Variants in ZNF532 observed in about 807,000 individuals in gnomAD.
ZNF532 encodes the protein zinc finger protein 532.
In ZNF532, 22 loss-of-function variants were observed where a neutral mutation model predicts 89.3. That is an observed-to-expected ratio of 0.25 (90% CI 0.18 to 0.35). The LOEUF (loss-of-function observed/expected upper bound fraction) is 0.35, where lower values mean the gene tolerates loss of function less well. Among genes scored for constraint, ZNF532 ranks in the 10% least tolerant of loss-of-function variants. ZNF532 has a pLI of 1.00. For missense variants in ZNF532, 1,132 were observed against 1,643.4 expected (o/e 0.69, Z 5.38); for synonymous variants, 606 against 649.6 (o/e 0.93, Z 1.02).
chr18:58,888,891 T>TATATATA (rs1272147896), intron 2 of ZNF532, among the ~76,000 whole-genome samples: 13 of 37,262 alleles, frequency 3.5e-4, no homozygotes, highest in Non-Finnish European at 5.5e-4. Context: ...TATATATATT[T>TATATATA]TATATATATA....
intron 2 of ZNF532, among the ~76,000 whole-genome samples, chr18:58,914,551 G>C (rs2060476431): frequency 6.6e-6 from 1 of 152,112 alleles, no homozygotes; most frequent in Non-Finnish European, 1.5e-5. Context: ...GTGGTGGCAG[G>C]TGCCTGTAAT....
rs576856759 is a variant in ZNF532, at chr18:58,870,714, T to G, written c.-18+5135T>G. On this transcript the variant is annotated intron_variant, in intron 2 of 9. Coordinates refer to ENST00000591808, the MANE Select transcript of ZNF532 (RefSeq NM_001375912.1). ...GGATGAGGGTCTTTCATCCCAGGTG[T>G]TGTTTGTGGGGATGGAGTGGTAGGT... is the stretch of plus-strand genomic sequence containing the variant. Among the ~76,000 whole-genome samples, 14 of 151,800 alleles carry G rather than the reference T, an allele frequency of 9.2e-5. No homozygotes were observed. The South Asian group carries it at 2.3e-3, about 25-fold the overall frequency.
intron 9 of ZNF532, 33 bp downstream of exon 9, chr18:58,981,650 A>G (rs2067779710): frequency 1.2e-6 from 2 of 1,612,038 alleles, no homozygotes; most frequent in Admixed American, 3.3e-5. Context: ...TTTACAGTGA[A>G]ATTGTGTTGA....
intron 5 of ZNF532, among the ~76,000 whole-genome samples, chr18:58,945,946 G>T (rs1047687668): frequency 6.6e-6 from 1 of 152,004 alleles, no homozygotes. Flanking sequence ...GGCCAGGTTG[G>T]TCTCAATCTC....
At chr18:58,941,963 T>TCTCC (rs973464913) in intron 5 of ZNF532, among the ~76,000 whole-genome samples, 16 of 106,664 alleles carry the variant, frequency 1.5e-4, no homozygotes, top group African/African-American at 4.1e-4. Flanking sequence ...TCCCTCCCTC[T>TCTCC]CTCCCTCCCT....
intron 3 of ZNF532, among the ~76,000 whole-genome samples, 174 bp downstream of exon 3, chr18:58,920,807 G>A (rs1430237677): frequency 7.0e-6 from 1 of 142,138 alleles, no homozygotes; most frequent in East Asian, 2.1e-4. Flanking sequence ...GAGGGGAGGG[G>A]GAATGCCTGT....
intron 2 of ZNF532, among the ~76,000 whole-genome samples, chr18:58,867,259 C>A (rs1486893516): frequency 6.6e-6 from 1 of 152,068 alleles, no homozygotes; most frequent in Non-Finnish European, 1.5e-5. Context: ...CATTGCATGT[C>A]ATGGAATGTT....
intron 2 of ZNF532, among the ~76,000 whole-genome samples, chr18:58,881,410 C>T (rs1039386495): frequency 1.3e-5 from 2 of 152,122 alleles, no homozygotes; most frequent in African/African-American, 4.8e-5. Flanking sequence ...TGGGATTACA[C>T]GCATGAGCCA....
chr18:58,914,439 T>C (rs2060466873), intron 2 of ZNF532, among the ~76,000 whole-genome samples: 2 of 152,258 alleles, frequency 1.3e-5, no homozygotes, highest in Admixed American at 1.3e-4. Flanking sequence ...CCCAGCACTC[T>C]GGGAGGCCGC....
chr18:58,946,874 T>C (rs530388090), intron 5 of ZNF532, among the ~76,000 whole-genome samples: 47 of 152,198 alleles, frequency 3.1e-4, no homozygotes, highest in African/African-American at 1.1e-3. Context: ...AGAAAAAAGT[T>C]ACATCTGTAA....
intron 2 of ZNF532, among the ~76,000 whole-genome samples, chr18:58,889,875 A>C (rs182397888): frequency 2.4e-3 from 365 of 152,264 alleles, no homozygotes; most frequent in Middle Eastern, 6.8e-3. Flanking sequence ...TGAGGTCAGG[A>C]GTTTGAGACC....
intron 2 of ZNF532, among the ~76,000 whole-genome samples, chr18:58,892,465 T>C (rs2058967231): frequency 6.6e-6 from 1 of 152,248 alleles, no homozygotes; most frequent in African/African-American, 2.4e-5. Flanking sequence ...TGCTTATGTA[T>C]GCATTTAGAA....
intron 2 of ZNF532, among the ~76,000 whole-genome samples, chr18:58,911,244 A>C (rs1382817230): frequency 1.3e-5 from 2 of 152,268 alleles, no homozygotes; most frequent in African/African-American, 4.8e-5. Context: ...GGAATTACCC[A>C]AAATAGAAGG....
intron 2 of ZNF532, among the ~76,000 whole-genome samples, chr18:58,902,364 T>C (rs2059659296): frequency 6.6e-6 from 1 of 152,158 alleles, no homozygotes; most frequent in African/African-American, 2.4e-5. Context: ...GAAATTTTGT[T>C]GCCCTTTTTT....
intron 9 of ZNF532, among the ~76,000 whole-genome samples, chr18:58,982,741 TAA>T (rs1403791666): frequency 1.3e-5 from 2 of 152,094 alleles, no homozygotes; most frequent in Non-Finnish European, 1.5e-5. Flanking sequence ...AATCATCGAG[TAA>T]AACCTCCTCA....
At chr18:58,866,124 C>T (rs919001955) in intron 2 of ZNF532, among the ~76,000 whole-genome samples, 2 of 152,176 alleles carry the variant, frequency 1.3e-5, no homozygotes, top group Admixed American at 6.5e-5. Context: ...ACGGTGAGTT[C>T]GCCATTGGAT....
chr18:58,904,564 G>A (rs1293039728), intron 2 of ZNF532, among the ~76,000 whole-genome samples: 3 of 151,730 alleles, frequency 2.0e-5, no homozygotes, highest in Admixed American at 6.6e-5. Flanking sequence ...CCTGAAGGAT[G>A]GAGAGAGAGA....
In ZNF532 at chr18:58,977,685, AC is replaced by A. The variant is rs1200390968; in HGVS notation, c.3151-1369del. 4 of 152,290 alleles carry A rather than the reference AC, an allele frequency of 2.6e-5. No individual in the cohort carries two copies. The East Asian group carries it at 7.7e-4, about 29-fold the overall frequency. The allele number at this position is 152,290 out of a possible 1,614,324, so 9.4% of individuals were successfully genotyped here. On this transcript the variant is annotated intron_variant, in intron 7 of 9. Transcript: ENST00000591808. ...GCCAACATGGTGAGACCTTGTCTCT[AC>A]TAAAAATACAAAAATTAGCCGGGCG...
chr18:58,872,915 G>T (rs1259105971), intron 2 of ZNF532, among the ~76,000 whole-genome samples: 4 of 151,788 alleles, frequency 2.6e-5, no homozygotes, highest in Non-Finnish European at 5.9e-5. Context: ...AGCCAGGATG[G>T]TCTCAATCTC....
Sources: gnomAD v4.1 joint callset for allele counts (sites outside exome capture counted in the v4.1 genomes callset) on GRCh38, gnomAD v4.1.1 for gene constraint, MANE v1.5 for transcripts, NCBI Gene and HGNC (gene_info 2026-07-23, HGNC 2026-07-21) for gene names.